PRRG4: variants seen among roughly 807,000 people sequenced by gnomAD.
PRRG4 encodes the protein transmembrane gamma-carboxyglutamic acid protein 4.
A neutral mutation model predicts 20.0 loss-of-function variants in PRRG4; 12 were observed. The ratio of observed to expected loss-of-function variants is 0.60; its 90% CI spans 0.38 to 0.97. The LOEUF (loss-of-function observed/expected upper bound fraction) is 0.97, where lower values mean the gene tolerates loss of function less well. Among genes scored for constraint, PRRG4 ranks in the 50% least tolerant of loss-of-function variants. PRRG4 has a pLI of 0.00. For synonymous variants in PRRG4, 94 were observed against 96.4 expected, an observed-to-expected ratio of 0.98 and a Z score of 0.15; for missense variants, 199 against 265.1, an observed-to-expected ratio of 0.75 and a Z score of 1.73.
chr11:32,831,876 C>T (rs1456531551), intron 2 of PRRG4, among the ~76,000 whole-genome samples: 1 of 152,116 alleles, frequency 6.6e-6, no homozygotes, highest in African/African-American at 2.4e-5. Flanking sequence ...CAAAAATTAG[C>T]CTGGCTTGGT....
At chr11:32,845,607 C>T (rs1307641828) in intron 5 of PRRG4, among the ~76,000 whole-genome samples, 1 of 143,226 alleles carries the variant, frequency 7.0e-6, no homozygotes, top group Non-Finnish European at 1.5e-5. Context: ...GCCTGGGCAA[C>T]AGAGCAAGAC....
chr11:32,837,651 G>A (rs1000264218), intron 3 of PRRG4, among the ~76,000 whole-genome samples: 4 of 150,970 alleles, frequency 2.6e-5, no homozygotes, highest in South Asian at 4.2e-4. Flanking sequence ...TCCACCTCCC[G>A]GGTTCAAGCC....
chr11:32,842,288 T>C (rs1331343881), intron 5 of PRRG4, among the ~76,000 whole-genome samples: 1 of 152,224 alleles, frequency 6.6e-6, no homozygotes, highest in Non-Finnish European at 1.5e-5. Context: ...AGATCTTTCC[T>C]CATCTAAAAG....
rs972136390 is a variant in PRRG4, at chr11:32,836,651, T to G, written c.104-7T>G. 6.7e-7 allele frequency: 1 copy of G among 1,495,176 alleles called. No individual in the cohort carries two copies. Among genetic ancestry groups the G allele is most frequent in the Non-Finnish European group, 9.2e-7 (1 of 1,082,742 alleles). 92.6% of individuals were successfully genotyped at this position (1,495,176 alleles called of 1,614,324 possible). ...CAATGTTTAAGTCTTTTTCATTACT[T>G]TATTAGTGTTTACATCAAAAGAAGA... On this transcript the variant is annotated splice_region_variant and splice_polypyrimidine_tract_variant and intron_variant, in intron 2 of 5. Transcript: ENST00000257836.
chr11:32,832,534 G>A (rs1850983131), intron 2 of PRRG4, among the ~76,000 whole-genome samples: 1 of 141,290 alleles, frequency 7.1e-6, no homozygotes, highest in African/African-American at 2.6e-5. Context: ...AGGCTGGAGT[G>A]CAGTGGCGTG....
At chr11:32,830,748 AGTTT>A (rs1565111860) in intron 2 of PRRG4, 116 bp downstream of exon 2, 2 of 1,496,394 alleles carry the variant, frequency 1.3e-6, no homozygotes, top group Non-Finnish European at 1.8e-6. Context: ...AATATCCTTT[AGTTT>A]AATTTGTGGC....
chr11:32,830,000 C>A lies in PRRG4; in HGVS notation c.-196C>A. The A allele has an allele frequency of 1.0e-6, 1 of 985,840 alleles. No individual in the cohort carries two copies. The allele number at this position is 985,840 out of a possible 1,614,324, so 61.1% of individuals were successfully genotyped here. ...GTTCCCCGGGCGCCCCTCTGCGAAC[C>A]CCAGGCCCTTCCCAGGTTTGCGCGC... On this transcript the variant is annotated 5_prime_UTR_variant, in exon 1 of 6. Coordinates refer to ENST00000257836, the MANE Select transcript of PRRG4 (RefSeq NM_024081.6).
At chr11:32,841,682 A>C (rs1407003925) in intron 5 of PRRG4, among the ~76,000 whole-genome samples, 1 of 151,952 alleles carries the variant, frequency 6.6e-6, no homozygotes, top group Non-Finnish European at 1.5e-5. Flanking sequence ...CGGTGGCCTG[A>C]GGCTGTAGTC....
chr11:32,839,804 A>G (rs1326028822), intron 4 of PRRG4, among the ~76,000 whole-genome samples: 2 of 146,688 alleles, frequency 1.4e-5, no homozygotes, highest in African/African-American at 2.5e-5. Flanking sequence ...TAAAATATAA[A>G]TAGTATATTT....
chr11:32,833,623 G>A (rs764630657), intron 2 of PRRG4, among the ~76,000 whole-genome samples: 3 of 152,318 alleles, frequency 2.0e-5, no homozygotes, highest in Non-Finnish European at 4.4e-5. Flanking sequence ...AACCTATGCC[G>A]AGCTGAGAAA....
intron 2 of PRRG4, among the ~76,000 whole-genome samples, chr11:32,835,730 T>C (rs890450075): frequency 6.6e-6 from 1 of 152,238 alleles, no homozygotes; most frequent in African/African-American, 2.4e-5. Context: ...TATAGTTTTA[T>C]TAATTTAGAA....
intron 5 of PRRG4, among the ~76,000 whole-genome samples, chr11:32,845,097 AAAAAAT>A (rs745491497): frequency 1.3e-5 from 2 of 152,134 alleles, no homozygotes; most frequent in Non-Finnish European, 2.9e-5. Flanking sequence ...GATCTTGTAA[AAAAAAT>A]AAAAATAAAA....
intron 3 of PRRG4, among the ~76,000 whole-genome samples, chr11:32,838,563 G>A (rs1461006826): frequency 6.6e-6 from 1 of 152,076 alleles, no homozygotes. Context: ...TCTACCTTTG[G>A]TACTTTCACC....
chr11:32,841,670 C>A (rs1283909643), intron 5 of PRRG4, among the ~76,000 whole-genome samples: 1 of 151,956 alleles, frequency 6.6e-6, no homozygotes, highest in African/African-American at 2.4e-5. Context: ...ATTAGCTGGG[C>A]ACGGTGGCCT....
rs762466157 is a variant in PRRG4 at position 32,853,544 on chromosome 11, G to A, written c.*17G>A. On this transcript the variant is annotated 3_prime_UTR_variant, in exon 6 of 6. Coordinates refer to ENST00000257836, the MANE Select transcript of PRRG4 (RefSeq NM_024081.6). ...TCTCACTGACTACCTTGTCATTTTG[G>A]TATAAGAAATTTGTGTTATTTGATA... 1 of 1,594,812 alleles carries A rather than the reference G, an allele frequency of 6.3e-7. No individual in the cohort carries two copies. The highest frequency in any genetic ancestry group is 1.3e-5 in the African/African-American group (1 of 74,684).
At chr11:32,846,665 T>A (rs1851133316) in intron 5 of PRRG4, among the ~76,000 whole-genome samples, 1 of 148,320 alleles carries the variant, frequency 6.7e-6, no homozygotes. Context: ...TTTGAACCTG[T>A]CTTCAAGGAA....
chr11:32,837,819 A>G (rs1270577979), intron 3 of PRRG4, among the ~76,000 whole-genome samples: 2 of 151,972 alleles, frequency 1.3e-5, no homozygotes, highest in Non-Finnish European at 2.9e-5. Flanking sequence ...CGGCCTAACA[A>G]AGTGCTAGGA....
chr11:32,852,672 G>A (rs1851193144), intron 5 of PRRG4, among the ~76,000 whole-genome samples: 1 of 151,856 alleles, frequency 6.6e-6, no homozygotes, highest in Non-Finnish European at 1.5e-5. Context: ...AACCAACTCT[G>A]TGGAGACAGC....
chr11:32,830,004 G>T lies in PRRG4; in HGVS notation c.-192G>T. 2.0e-6 allele frequency: 2 copies of T among 985,812 alleles called. No homozygotes were observed. The highest frequency in any genetic ancestry group is 2.4e-6 in the Non-Finnish European group (2 of 830,242). 61.1% of individuals were successfully genotyped at this position (985,812 alleles called of 1,614,324 possible). On this transcript the variant is annotated 5_prime_UTR_variant, in exon 1 of 6. In the 5' UTR this introduces an upstream ATG that the reference lacks. Transcript: ENST00000257836. ...CCCGGGCGCCCCTCTGCGAACCCCA[G>T]GCCCTTCCCAGGTTTGCGCGCGGGG...
Sources: gnomAD v4.1 joint callset for allele counts (sites outside exome capture counted in the v4.1 genomes callset) on GRCh38, gnomAD v4.1.1 for gene constraint, MANE v1.5 for transcripts, NCBI Gene and HGNC (gene_info 2026-07-23, HGNC 2026-07-21) for gene names.